Variants in SGCZ observed in about 807,000 individuals in gnomAD.
The protein encoded by SGCZ is sarcoglycan zeta.
SGCZ carries 40 observed loss-of-function variants against 41.3 expected under a neutral mutation model. That is an observed-to-expected ratio of 0.97 (90% CI 0.75 to 1.26). The LOEUF (loss-of-function observed/expected upper bound fraction) is 1.26. Among genes scored for constraint, SGCZ ranks in the 50% most tolerant of loss-of-function variants. The pLI is 0.00. For synonymous variants in SGCZ, 206 were observed against 137.5 expected, an observed-to-expected ratio of 1.50 and a Z score of -3.49; for missense variants, 552 against 369.8, an observed-to-expected ratio of 1.49 and a Z score of -4.04.
intron 1 of SGCZ, among the ~76,000 whole-genome samples, chr8:15,124,668 T>C (rs1425452410): frequency 6.6e-6 from 1 of 152,198 alleles, no homozygotes; most frequent in East Asian, 1.9e-4. Flanking sequence ...TCTTATGAGT[T>C]TTATGGTTGT....
chr8:15,235,378 GC>G (rs1336972479), intron 1 of SGCZ, among the ~76,000 whole-genome samples: 3 of 152,152 alleles, frequency 2.0e-5, no homozygotes, highest in Non-Finnish European at 4.4e-5. Context: ...CTCCTCACTT[GC>G]CAGTTTTGAC....
chr8:14,681,579 G>A (rs1808447639), intron 1 of SGCZ, among the ~76,000 whole-genome samples: 2 of 152,178 alleles, frequency 1.3e-5, no homozygotes, highest in Non-Finnish European at 2.9e-5. Flanking sequence ...CTAAAGTTAT[G>A]ATGGTCTTCG....
chr8:14,827,545 C>G (rs1802376168), intron 1 of SGCZ, among the ~76,000 whole-genome samples: 1 of 152,052 alleles, frequency 6.6e-6, no homozygotes, highest in Non-Finnish European at 1.5e-5. Flanking sequence ...AATTCCATGT[C>G]AAATGGTCAT....
intron 5 of SGCZ, among the ~76,000 whole-genome samples, chr8:14,117,430 G>GTGTC (rs1802558086): frequency 6.7e-6 from 1 of 149,394 alleles, no homozygotes; most frequent in Admixed American, 6.7e-5. Flanking sequence ...GTGTGTGTGT[G>GTGTC]TGTGTGTGTG....
At position 14,705,937 on chromosome 8, in the gene SGCZ, C is replaced by A. The variant is rs1373954168; in HGVS notation, c.40-151011G>T. ...TAGGAGTTGTATAAGGATAGGGATT[C>A]ATTCATAACTCCTGTTATCCCATAA... is the stretch of plus-strand genomic sequence containing the variant. On this transcript the variant is annotated intron_variant, in intron 1 of 7. Transcript: ENST00000382080. Among the ~76,000 whole-genome samples, 32 of 151,952 alleles carry A rather than the reference C, an allele frequency of 2.1e-4. 1 individual carries two copies. The highest frequency in any genetic ancestry group is 2.0e-3 in the Admixed American group (30 of 15,240).
chr8:14,550,172 T>A (rs887452639), intron 2 of SGCZ, among the ~76,000 whole-genome samples: 3 of 152,030 alleles, frequency 2.0e-5, no homozygotes, highest in Admixed American at 6.6e-5. Context: ...GGAGAAGAGA[T>A]AAATAAATGA....
At chr8:15,100,643 A>G (rs1337920987) in intron 1 of SGCZ, among the ~76,000 whole-genome samples, 1 of 152,194 alleles carries the variant, frequency 6.6e-6, no homozygotes, top group Non-Finnish European at 1.5e-5. Context: ...AGCCAACACA[A>G]TACTGAAGGA....
At chr8:14,763,787 C>A (rs1489777842) in intron 1 of SGCZ, among the ~76,000 whole-genome samples, 1 of 152,104 alleles carries the variant, frequency 6.6e-6, no homozygotes, top group Non-Finnish European at 1.5e-5. Context: ...TACATAGCCT[C>A]TGCAAAGAAG....
At chr8:14,206,138 G>C (rs547645809) in intron 4 of SGCZ, among the ~76,000 whole-genome samples, 49 of 152,026 alleles carry the variant, frequency 3.2e-4, no homozygotes, top group Non-Finnish European at 5.6e-4. Flanking sequence ...TTCTAAGTAT[G>C]TGTATAAGGT....
At chr8:14,859,694 A>C (rs900883559) in intron 1 of SGCZ, among the ~76,000 whole-genome samples, 8 of 152,204 alleles carry the variant, frequency 5.3e-5, no homozygotes, top group African/African-American at 1.7e-4. Context: ...TCCCAAAGTT[A>C]CATCTGCATG....
chr8:14,414,934 A>C (rs540054461), intron 2 of SGCZ, among the ~76,000 whole-genome samples: 1 of 152,086 alleles, frequency 6.6e-6, no homozygotes, highest in African/African-American at 2.4e-5. Flanking sequence ...GATACTTAAA[A>C]TTAGGAAGGC....
At chr8:14,843,632 A>G (rs1047539571) in intron 1 of SGCZ, among the ~76,000 whole-genome samples, 1 of 152,174 alleles carries the variant, frequency 6.6e-6, no homozygotes, top group East Asian at 1.9e-4. Flanking sequence ...AGATACATGG[A>G]GACACATGAT....
chr8:15,064,501 GTTCC>G (rs995972057), intron 1 of SGCZ, among the ~76,000 whole-genome samples: 2 of 141,856 alleles, frequency 1.4e-5, no homozygotes, highest in African/African-American at 2.8e-5. Flanking sequence ...TTTTATCTGA[GTTCC>G]TTCCTCAAGA....
At chr8:14,346,264 C>G (rs546977934) in intron 2 of SGCZ, among the ~76,000 whole-genome samples, 21 of 151,976 alleles carry the variant, frequency 1.4e-4, no homozygotes, top group Non-Finnish European at 2.1e-4. Context: ...TAAAACTCCT[C>G]AAAAAGTAAA....
chr8:14,115,713 T>C (rs1802502406), intron 5 of SGCZ, among the ~76,000 whole-genome samples: 1 of 151,960 alleles, frequency 6.6e-6, no homozygotes, highest in Admixed American at 6.6e-5. Context: ...ACCTCTATCA[T>C]TAATCCAGTG....
chr8:14,333,683 G>A (rs988872052), intron 2 of SGCZ, among the ~76,000 whole-genome samples: 2 of 151,996 alleles, frequency 1.3e-5, no homozygotes, highest in South Asian at 2.1e-4. Flanking sequence ...TTGGTCAATG[G>A]GTCCTCCCCT....
At position 14,169,125 on chromosome 8, in the gene SGCZ, A is replaced by G. The variant is rs1196981534; in HGVS notation, c.425-4423T>C. On this transcript the variant is annotated intron_variant, in intron 4 of 7. Coordinates refer to ENST00000382080, the MANE Select transcript of SGCZ (RefSeq NM_139167.4). The stretch of plus-strand genomic sequence containing the variant: ...AAGGGAGTCTTTGTGTGGCTCTATT[A>G]TATTCCTAACTTTTATACCTCCTGG... Among the ~76,000 whole-genome samples, 18 of 152,266 alleles carry G rather than the reference A, an allele frequency of 1.2e-4. No individual in the cohort carries two copies. In the South Asian group the frequency reaches 3.3e-3, roughly 28 times the overall value.
chr8:14,174,032 G>C (rs992318888), intron 4 of SGCZ, among the ~76,000 whole-genome samples: 3 of 151,712 alleles, frequency 2.0e-5, no homozygotes, highest in African/African-American at 7.3e-5. Flanking sequence ...TTTGTAATGA[G>C]AATAATAATG....
chr8:14,354,765 A>C (rs1238269901), intron 2 of SGCZ, among the ~76,000 whole-genome samples: 1 of 151,914 alleles, frequency 6.6e-6, no homozygotes, highest in African/African-American at 2.4e-5. Context: ...TGCTGTGAAC[A>C]TCTAAAGCTA....
Sources: gnomAD v4.1 joint callset for allele counts (sites outside exome capture counted in the v4.1 genomes callset) on GRCh38, gnomAD v4.1.1 for gene constraint, MANE v1.5 for transcripts, NCBI Gene and HGNC (gene_info 2026-07-23, HGNC 2026-07-21) for gene names.